LRRC1: variants seen among roughly 807,000 people sequenced by gnomAD.
LRRC1 encodes leucine-rich repeat-containing protein 1.
In LRRC1, 28 loss-of-function variants were observed where a neutral mutation model predicts 69.9. That is an observed-to-expected ratio of 0.40 (90% CI 0.30 to 0.55). The LOEUF is 0.55. Among genes scored for constraint, LRRC1 ranks in the 20% least tolerant of loss-of-function variants. The pLI is 0.47. For missense variants in LRRC1, 498 were observed against 609.0 expected, an observed-to-expected ratio of 0.82 and a Z score of 1.92; for synonymous variants, 236 against 240.2, an observed-to-expected ratio of 0.98 and a Z score of 0.16.
At chr6:53,918,964 C>T (rs2127442934) in intron 11 of LRRC1, 1 of 152,358 alleles carries the variant, frequency 6.6e-6, no homozygotes, top group East Asian at 1.9e-4. Flanking sequence ...CAAATGGAGT[C>T]CATCCAAAAT....
intron 2 of LRRC1, among the ~76,000 whole-genome samples, chr6:53,869,579 G>C (rs1387260847): frequency 6.6e-6 from 1 of 152,152 alleles, no homozygotes; most frequent in Non-Finnish European, 1.5e-5. Flanking sequence ...TTCTGATACA[G>C]TCTTTGTTGC....
intron 4 of LRRC1, among the ~76,000 whole-genome samples, chr6:53,883,579 G>T (rs1359008999): frequency 2.0e-5 from 3 of 152,202 alleles, no homozygotes; most frequent in Admixed American, 6.5e-5. Context: ...ATGTATGCTG[G>T]TGAATAAATG....
At chr6:53,887,602 G>C (rs1767530936) in intron 4 of LRRC1, among the ~76,000 whole-genome samples, 1 of 152,082 alleles carries the variant, frequency 6.6e-6, no homozygotes, top group Non-Finnish European at 1.5e-5. Context: ...CTGCCCAGGT[G>C]TGCATTGCTG....
intron 1 of LRRC1, among the ~76,000 whole-genome samples, chr6:53,824,434 G>A (rs774286412): frequency 6.6e-6 from 1 of 152,122 alleles, no homozygotes; most frequent in Non-Finnish European, 1.5e-5. Context: ...TCATTCTGCA[G>A]GTTCTCTGTT....
At chr6:53,847,678 G>C (rs1341777375) in intron 2 of LRRC1, among the ~76,000 whole-genome samples, 1 of 152,168 alleles carries the variant, frequency 6.6e-6, no homozygotes, top group Non-Finnish European at 1.5e-5. Context: ...GCATGATTGG[G>C]TTAGTTGTCC....
Position 53,811,644 on chromosome 6 carries a change from C to G in LRRC1, c.159+16229C>G, listed in dbSNP as rs1764796579. Among the ~76,000 whole-genome samples the G allele has an allele frequency of 5.9e-5, 9 of 152,320 alleles. 1 individual carries two copies. The South Asian group carries it at 1.9e-3, about 32-fold the overall frequency. ...ACAGTATTCCAGATGTACAGCTAGGCAGTTAAACAGATTTTGTCCTGCCCT... is the reference window on the plus strand; with the variant it reads ...ACAGTATTCCAGATGTACAGCTAGGGAGTTAAACAGATTTTGTCCTGCCCT... On this transcript the variant is annotated intron_variant, in intron 1 of 13. Transcript: ENST00000370888.
At chr6:53,884,398 T>C (rs1462350357) in intron 4 of LRRC1, among the ~76,000 whole-genome samples, 3 of 152,088 alleles carry the variant, frequency 2.0e-5, no homozygotes, top group African/African-American at 7.2e-5. Flanking sequence ...TCCCAGCTAC[T>C]TGGAAGGTTG....
chr6:53,862,631 T>G (rs1354314774), intron 2 of LRRC1, among the ~76,000 whole-genome samples: 1 of 152,110 alleles, frequency 6.6e-6, no homozygotes, highest in Non-Finnish European at 1.5e-5. Flanking sequence ...AAAATAAAAT[T>G]TTACAAAGGC....
intron 10 of LRRC1, among the ~76,000 whole-genome samples, chr6:53,910,018 C>T (rs1768360974): frequency 6.6e-6 from 1 of 152,096 alleles, no homozygotes; most frequent in Non-Finnish European, 1.5e-5. Flanking sequence ...GTGAGCTAAC[C>T]TGCAGGCAAT....
At chr6:53,894,294 A>C (rs774199136) in intron 4 of LRRC1, among the ~76,000 whole-genome samples, 3 of 152,228 alleles carry the variant, frequency 2.0e-5, no homozygotes, top group Admixed American at 6.5e-5. Context: ...GATGGCTCAC[A>C]GAAGGCGCCC....
At chr6:53,844,756 G>T (rs188313230) in intron 2 of LRRC1, among the ~76,000 whole-genome samples, 85 of 152,330 alleles carry the variant, frequency 5.6e-4, no homozygotes, top group African/African-American at 1.8e-3. Context: ...TTCTTATCCA[G>T]CTCTCTTAGA....
intron 1 of LRRC1, among the ~76,000 whole-genome samples, chr6:53,803,519 G>A (rs895794415): frequency 1.2e-4 from 18 of 152,262 alleles, no homozygotes; most frequent in Middle Eastern, 3.4e-3. Flanking sequence ...TGATTTAGTG[G>A]ACAGGAATGG....
intron 1 of LRRC1, among the ~76,000 whole-genome samples, chr6:53,813,882 A>G (rs1764873796): frequency 6.6e-6 from 1 of 152,194 alleles, no homozygotes; most frequent in South Asian, 2.1e-4. Context: ...TTAGTTTTTC[A>G]GTAGCAGCTA....
chr6:53,807,323 G>A (rs972925638), intron 1 of LRRC1, among the ~76,000 whole-genome samples: 3 of 152,192 alleles, frequency 2.0e-5, no homozygotes, highest in Non-Finnish European at 4.4e-5. Flanking sequence ...AGTGCTGGCT[G>A]TGCTTCAGGC....
chr6:53,902,768 T>C lies in LRRC1; in HGVS notation c.906+21T>C, dbSNP rs759697570. The C allele has an allele frequency of 1.0e-5, 15 of 1,433,014 alleles. No homozygotes were observed. In the Admixed American group the frequency reaches 1.5e-4, roughly 14 times the overall value. 88.8% of individuals were successfully genotyped at this position (1,433,014 alleles called of 1,614,324 possible). On this transcript the variant is annotated intron_variant, in intron 9 of 13. Coordinates refer to ENST00000370888, the MANE Select transcript of LRRC1 (RefSeq NM_018214.5). ...TCCTGGTAAGTGTGGTTTGCACATA[T>C]ATCATAAAGACTTACTAGGGTAGAT...
At chr6:53,833,128 C>T (rs531466502) in intron 1 of LRRC1, among the ~76,000 whole-genome samples, 2 of 152,194 alleles carry the variant, frequency 1.3e-5, no homozygotes, top group African/African-American at 4.8e-5. Flanking sequence ...TCTCCATCTG[C>T]ACCATCAGTC....
intron 2 of LRRC1, among the ~76,000 whole-genome samples, chr6:53,859,663 T>C (rs1002060188): frequency 9.2e-5 from 14 of 152,190 alleles, no homozygotes; most frequent in African/African-American, 3.4e-4. Flanking sequence ...ACCAGGCCAT[T>C]GTGACACCAA....
rs1429783318 is a variant in LRRC1 at position 53,795,400 on chromosome 6, C to T, written c.144C>T (p.Leu48=). ...LEELLLDANQ[L]RELPEQFFQL... ...AGCTGCTGCTGGACGCCAACCAGCT[C>T]CGCGAGCTGCCCGAGGTAAGGGTCC... Residue 48 remains leucine, a synonymous_variant, in exon 1 of 14, where the codon CTC becomes CTT. Transcript: ENST00000370888. 3.1e-6 allele frequency: 5 copies of T among 1,612,206 alleles called. No homozygotes were observed. The African/African-American group carries it at 4.0e-5, about 13-fold the overall frequency.
intron 1 of LRRC1, among the ~76,000 whole-genome samples, chr6:53,823,223 A>C (rs924423889): frequency 1.3e-5 from 2 of 152,188 alleles, no homozygotes; most frequent in African/African-American, 4.8e-5. Flanking sequence ...TCCTATTAGT[A>C]TGGACCATAT....
Sources: allele counts gnomAD v4.1 joint callset (sites outside exome capture counted in the v4.1 genomes callset), GRCh38; gene constraint gnomAD v4.1.1; transcripts MANE v1.5; gene names NCBI Gene and HGNC (gene_info 2026-07-23, HGNC 2026-07-21).